MCM9: variants seen among roughly 807,000 people sequenced by gnomAD.
MCM9 encodes minichromosome maintenance 9 homologous recombination repair factor.
MCM9 carries 55 observed loss-of-function variants against 72.8 expected under a neutral mutation model. That is an observed-to-expected ratio of 0.76 (90% CI 0.61 to 0.95). MCM9 has a LOEUF of 0.95. Ranked by LOEUF, MCM9 falls within the 40% of genes least tolerant of loss-of-function variation. The pLI is 0.00. For missense variants in MCM9, 1,279 were observed against 1,377.0 expected (o/e 0.93, Z 1.13); for synonymous variants, 480 against 503.4 (o/e 0.95, Z 0.62).
At chr6:118,926,963 T>G (rs1781949067) in intron 3 of MCM9, among the ~76,000 whole-genome samples, 1 of 152,084 alleles carries the variant, frequency 6.6e-6, no homozygotes, top group African/African-American at 2.4e-5. Flanking sequence ...ATAAACAGAA[T>G]GTACCAACAA....
chr6:118,867,074 T>C (rs1055239184), intron 8 of MCM9, among the ~76,000 whole-genome samples: 4 of 151,794 alleles, frequency 2.6e-5, no homozygotes, highest in Admixed American at 6.6e-5. Context: ...AATAACTCTA[T>C]ACTCAGCAAT....
At chr6:118,827,793 CTTTATT>C in intron 11 of MCM9, 128 bp downstream of exon 11, 2 of 786,352 alleles carry the variant, frequency 2.5e-6, no homozygotes, top group Middle Eastern at 3.7e-4. Flanking sequence ...GGCTCAGAGC[CTTTATT>C]TTTAAGTGAC....
At chr6:118,875,933 G>T (rs1253695304) in intron 8 of MCM9, among the ~76,000 whole-genome samples, 2 of 152,142 alleles carry the variant, frequency 1.3e-5, no homozygotes, top group Non-Finnish European at 2.9e-5. Context: ...CTGCTCACAG[G>T]TGTTTACAGA....
chr6:118,886,665 A>T (rs1778625677), intron 8 of MCM9, among the ~76,000 whole-genome samples: 1 of 152,246 alleles, frequency 6.6e-6, no homozygotes, highest in African/African-American at 2.4e-5. Flanking sequence ...TATACTATGA[A>T]AACAACAGGC....
chr6:118,851,108 A>G (rs1776197451), intron 9 of MCM9, among the ~76,000 whole-genome samples: 1 of 151,886 alleles, frequency 6.6e-6, no homozygotes, highest in South Asian at 2.1e-4. Context: ...GGCATGAGCC[A>G]CTGTACCCAG....
intron 3 of MCM9, among the ~76,000 whole-genome samples, chr6:118,928,802 T>C (rs1289768975): frequency 6.7e-6 from 1 of 148,724 alleles, no homozygotes; most frequent in Non-Finnish European, 1.5e-5. Context: ...CAGTGAGCTA[T>C]GATTGTTGTG....
intron 8 of MCM9, among the ~76,000 whole-genome samples, chr6:118,881,706 A>G (rs921351397): frequency 2.9e-4 from 44 of 152,354 alleles, no homozygotes; most frequent in Middle Eastern, 3.4e-3. Flanking sequence ...TCCTCACTGA[A>G]GCAAGTATAA....
chr6:118,876,905 A>G (rs1481078132), intron 8 of MCM9, among the ~76,000 whole-genome samples: 1 of 152,248 alleles, frequency 6.6e-6, no homozygotes, highest in Admixed American at 6.5e-5. Flanking sequence ...AATATGTTCA[A>G]TATATCCCCT....
intron 9 of MCM9, among the ~76,000 whole-genome samples, chr6:118,844,092 ATAAT>A (rs1418940335): frequency 1.3e-5 from 2 of 151,740 alleles, no homozygotes; most frequent in African/African-American, 2.4e-5. Flanking sequence ...GGTAGAATTC[ATAAT>A]TAAAGTGTTC....
chr6:118,897,383 G>A (rs1779496336), intron 8 of MCM9, among the ~76,000 whole-genome samples: 1 of 152,068 alleles, frequency 6.6e-6, no homozygotes, highest in Non-Finnish European at 1.5e-5. Flanking sequence ...CTGGCTGGAT[G>A]TGCTTGATGG....
intron 13 of MCM9, among the ~76,000 whole-genome samples, chr6:118,818,340 T>C (rs1773544791): frequency 6.6e-6 from 1 of 152,260 alleles, no homozygotes; most frequent in Non-Finnish European, 1.5e-5. Context: ...TTCTGTTTTC[T>C]GCATATGGCT....
chr6:118,900,945 A>G lies in MCM9; in HGVS notation c.1150+10705T>C. ...TTCGAAGTAGACTATATTATCTATT[A>G]TCTTATAACCCTTATCCCTTTCCTT... On this transcript the variant is annotated intron_variant, in intron 8 of 13. Transcript: ENST00000619706. 2.6e-6 allele frequency: 3 copies of G among 1,135,658 alleles called. No homozygotes were observed. In the South Asian group the frequency reaches 3.7e-5, roughly 14 times the overall value. 70.3% of individuals were successfully genotyped at this position (1,135,658 alleles called of 1,614,324 possible).
At chr6:118,848,301 A>G (rs1776004918) in intron 9 of MCM9, among the ~76,000 whole-genome samples, 1 of 151,954 alleles carries the variant, frequency 6.6e-6, no homozygotes, top group Non-Finnish European at 1.5e-5. Context: ...GACTGGAGTC[A>G]TATGATATTA....
At chr6:118,925,203 A>G (rs1484911456) in intron 3 of MCM9, among the ~76,000 whole-genome samples, 1 of 152,162 alleles carries the variant, frequency 6.6e-6, no homozygotes, top group African/African-American at 2.4e-5. Flanking sequence ...GATGCTGGCT[A>G]TAAAGGCTAA....
rs138201504 is a variant in MCM9, at chr6:118,848,615, C to T, written c.1325+7756G>A. 1.8e-3 allele frequency among the ~76,000 whole-genome samples: 281 copies of T among 151,924 alleles called. 5 individuals carry two copies. Among genetic ancestry groups the T allele is most frequent in the South Asian group, 0.01 (50 of 4,820 alleles). On this transcript the variant is annotated intron_variant, in intron 9 of 13. Transcript: ENST00000619706. ...TCCTAATCTCCACAGAAAAAGTTTGCCAACCCCTAACCTATAATAAAAATG... is the reference window on the plus strand; with the variant it reads ...TCCTAATCTCCACAGAAAAAGTTTGTCAACCCCTAACCTATAATAAAAATG...
intron 9 of MCM9, among the ~76,000 whole-genome samples, chr6:118,842,883 A>G (rs965409208): frequency 2.6e-5 from 4 of 152,130 alleles, no homozygotes; most frequent in African/African-American, 9.7e-5. Flanking sequence ...CTTCTATTTC[A>G]TTAAGCAGCC....
At chr6:118,834,701 T>G (rs907619762) in intron 9 of MCM9, among the ~76,000 whole-genome samples, 3 of 147,918 alleles carry the variant, frequency 2.0e-5, no homozygotes, top group Admixed American at 6.7e-5. Flanking sequence ...TTTGATGTGG[T>G]TTTTTTTTTT....
At chr6:118,858,793 C>A (rs1776730369) in intron 8 of MCM9, among the ~76,000 whole-genome samples, 2 of 152,200 alleles carry the variant, frequency 1.3e-5, no homozygotes, top group South Asian at 4.1e-4. Context: ...GAAATAAACT[C>A]TATATTCAAG....
At position 118,815,362 on chromosome 6, in the gene MCM9, GCTGCGTCT is replaced by G; in HGVS notation, c.2886_2893del (p.Arg962SerfsTer25). On this transcript the variant is annotated frameshift_variant, in exon 14 of 14. Transcript: ENST00000619706. LOFTEE classifies it low-confidence loss of function (END_TRUNC). ...CTTTCCTGGACGCTTCACCGGCAAG[GCTGCGTCT>G]CTTCTTGTTCTACGCTGGGAAATTT... 1 of 1,550,494 alleles carries G rather than the reference GCTGCGTCT, an allele frequency of 6.4e-7. No individual in the cohort carries two copies. The highest frequency in any genetic ancestry group is 1.2e-5 in the South Asian group (1 of 83,996).
Sources: gnomAD v4.1 joint callset for allele counts (sites outside exome capture counted in the v4.1 genomes callset) on GRCh38, gnomAD v4.1.1 for gene constraint, MANE v1.5 for transcripts, NCBI Gene and HGNC (gene_info 2026-07-23, HGNC 2026-07-21) for gene names.